The following TBCK variants were observed in gnomAD, a reference collection of about 807,000 sequenced individuals.
The protein encoded by TBCK is TBC domain-containing protein kinase-like protein.
In TBCK, 99 loss-of-function variants were observed where a neutral mutation model predicts 113.4. The ratio of observed to expected loss-of-function variants is 0.87; its 90% CI spans 0.74 to 1.03. The LOEUF (loss-of-function observed/expected upper bound fraction) is 1.03. Ranked by LOEUF, TBCK falls within the 50% of genes least tolerant of loss-of-function variation. The pLI is 0.00. For missense variants in TBCK, 1,045 were observed against 1,061.3 expected (o/e 0.98, Z 0.21); for synonymous variants, 369 against 370.8 (o/e 1.00, Z 0.05).
intron 5 of TBCK, among the ~76,000 whole-genome samples, chr4:106,259,169 A>G (rs1762272600): frequency 6.6e-6 from 1 of 151,918 alleles, no homozygotes; most frequent in African/African-American, 2.4e-5. Flanking sequence ...TGTCTTAATA[A>G]TAAGACACAG....
At chr4:106,158,880 G>T (rs1315300027) in intron 23 of TBCK, among the ~76,000 whole-genome samples, 1 of 151,978 alleles carries the variant, frequency 6.6e-6, no homozygotes, top group Non-Finnish European at 1.5e-5. Flanking sequence ...TAAGAATATT[G>T]AAACAACAAT....
chr4:106,090,090 T>C (rs889067216), intron 25 of TBCK, among the ~76,000 whole-genome samples: 5 of 152,226 alleles, frequency 3.3e-5, no homozygotes, highest in African/African-American at 1.2e-4. Flanking sequence ...GCTCTGCTCC[T>C]GTAGTAGGCT....
chr4:106,062,162 A>G (rs1052694892), intron 25 of TBCK, among the ~76,000 whole-genome samples: 3 of 151,904 alleles, frequency 2.0e-5, no homozygotes, highest in African/African-American at 7.2e-5. Flanking sequence ...ATAGATTTAT[A>G]GATTAGTGAT....
intron 23 of TBCK, among the ~76,000 whole-genome samples, chr4:106,143,938 C>T (rs1471623112): frequency 6.7e-6 from 1 of 149,192 alleles, no homozygotes; most frequent in Non-Finnish European, 1.5e-5. Context: ...AAAGTAAAGG[C>T]AAAACCCGCA....
chr4:106,198,817 A>G (rs1452221969), intron 20 of TBCK, among the ~76,000 whole-genome samples: 7 of 152,122 alleles, frequency 4.6e-5, no homozygotes, highest in African/African-American at 1.7e-4. Context: ...CTAGCAGAAG[A>G]GTCAGACATA....
At chr4:106,283,239 A>AG (rs1764794854) in intron 3 of TBCK, among the ~76,000 whole-genome samples, 1 of 152,186 alleles carries the variant, frequency 6.6e-6, no homozygotes, top group South Asian at 2.1e-4. Context: ...GGAAACTTTT[A>AG]TACTTACAAC....
chr4:106,234,933 C>A (rs1168021761), intron 15 of TBCK, among the ~76,000 whole-genome samples: 4 of 152,060 alleles, frequency 2.6e-5, no homozygotes, highest in African/African-American at 7.2e-5. Flanking sequence ...CATTTATAAA[C>A]AATCATATTC....
At chr4:106,302,035 C>T (rs942551629) in intron 2 of TBCK, among the ~76,000 whole-genome samples, 23 of 152,286 alleles carry the variant, frequency 1.5e-4, no homozygotes, top group African/African-American at 3.6e-4. Flanking sequence ...ATTACTCTAA[C>T]GGTAAATTAT....
At chr4:106,302,405 G>GGAA (rs1176393594) in intron 2 of TBCK, among the ~76,000 whole-genome samples, 1 of 152,152 alleles carries the variant, frequency 6.6e-6, no homozygotes, top group Non-Finnish European at 1.5e-5. Flanking sequence ...GGAAAATAAG[G>GGAA]AAGAATACTC....
chr4:106,260,512 T>G lies in TBCK; in HGVS notation c.382-2A>C. The stretch of plus-strand genomic sequence containing the variant: ...AAATTTAGCCAATTTAATATGTCCC[T>G]ATGATAATAAAGAAAAAAAACACTA... On this transcript the variant is annotated splice_acceptor_variant, in intron 4 of 25. Coordinates refer to ENST00000394708, the MANE Select transcript of TBCK (RefSeq NM_001163435.3). LOFTEE classifies it high-confidence loss of function. 2 of 1,148,126 alleles carry G rather than the reference T, an allele frequency of 1.7e-6. No individual in the cohort carries two copies. The highest frequency in any genetic ancestry group is 2.3e-6 in the Non-Finnish European group (2 of 855,810). 71.1% of individuals were successfully genotyped at this position (1,148,126 alleles called of 1,614,324 possible). A position where few individuals can be genotyped will look rare whatever the true frequency, so the allele number is the denominator to read the frequency against.
chr4:106,271,425 A>T (rs1369274743), intron 3 of TBCK, among the ~76,000 whole-genome samples: 1 of 152,130 alleles, frequency 6.6e-6, no homozygotes, highest in Admixed American at 6.6e-5. Flanking sequence ...TTCAACCAGA[A>T]TCTATAAGAT....
chr4:106,234,683 A>C (rs932873851), intron 15 of TBCK, among the ~76,000 whole-genome samples: 2 of 152,144 alleles, frequency 1.3e-5, no homozygotes, highest in African/African-American at 2.4e-5. Context: ...AATTGACAAG[A>C]AATGAAAAAA....
intron 3 of TBCK, among the ~76,000 whole-genome samples, chr4:106,288,708 T>C (rs573008446): frequency 3.3e-5 from 5 of 152,238 alleles, no homozygotes; most frequent in Non-Finnish European, 7.3e-5. Context: ...TGGGTACCAG[T>C]AGCTCTTTCT....
intron 2 of TBCK, among the ~76,000 whole-genome samples, chr4:106,301,190 TTC>T (rs1204312924): frequency 5.9e-5 from 9 of 151,646 alleles, no homozygotes; most frequent in South Asian, 2.1e-4. Context: ...ATATAATTTG[TTC>T]TGTTTCTCTT....
rs34775295 is a variant in TBCK, at chr4:106,204,751, A to ATTTT, written c.1860+7995_1860+7998dup. 1.6e-3 allele frequency among the ~76,000 whole-genome samples: 143 copies of ATTTT among 87,274 alleles called. 2 individuals carry two copies. Among genetic ancestry groups the ATTTT allele is most frequent in the African/African-American group, 2.9e-3 (64 of 21,752 alleles). 57.3% of individuals were successfully genotyped at this position (87,274 alleles called of 152,430 possible). A position where few individuals can be genotyped will look rare whatever the true frequency, so the allele number is the denominator to read the frequency against. ...TTGAAAGAATGACAGACAAACAATG[A>ATTTT]TTTTTTTTTTTTTTTTTTTTTTTTT... On this transcript the variant is annotated intron_variant, in intron 20 of 25. Coordinates refer to ENST00000394708, the MANE Select transcript of TBCK (RefSeq NM_001163435.3).
chr4:106,099,849 G>A (rs1741339682), intron 24 of TBCK, among the ~76,000 whole-genome samples: 1 of 152,106 alleles, frequency 6.6e-6, no homozygotes, highest in Admixed American at 6.5e-5. Context: ...AATATTGACA[G>A]AGAAAAAATT....
At chr4:106,124,727 C>G in intron 23 of TBCK, among the ~76,000 whole-genome samples, 1 of 152,012 alleles carries the variant, frequency 6.6e-6, no homozygotes, top group Non-Finnish European at 1.5e-5. Context: ...TGGAAATCAT[C>G]ATTTTCAGTA....
intron 5 of TBCK, among the ~76,000 whole-genome samples, chr4:106,256,264 A>G (rs1287083799): frequency 6.6e-6 from 1 of 152,074 alleles, no homozygotes; most frequent in African/African-American, 2.4e-5. Context: ...CCTTCTACCC[A>G]GGAACCTGTC....
chr4:106,116,973 TCC>T (rs140517213), intron 23 of TBCK, among the ~76,000 whole-genome samples: 1 of 150,344 alleles, frequency 6.7e-6, no homozygotes, highest in South Asian at 2.1e-4. Context: ...CCTGAAATCA[TCC>T]CCCCCCCATC....
Sources: allele counts gnomAD v4.1 joint callset (sites outside exome capture counted in the v4.1 genomes callset), GRCh38; gene constraint gnomAD v4.1.1; transcripts MANE v1.5; gene names NCBI Gene and HGNC (gene_info 2026-07-23, HGNC 2026-07-21).